Variants in SLC44A5 observed in about 807,000 individuals in gnomAD.
SLC44A5 encodes solute carrier family 44 member 5.
In SLC44A5, 57 loss-of-function variants were observed where a neutral mutation model predicts 101.8. The observed-to-expected ratio is 0.56, with a 90% CI of 0.45 to 0.70. The LOEUF is 0.70. Ranked by LOEUF, SLC44A5 falls within the 30% of genes least tolerant of loss-of-function variation. The probability of loss-of-function intolerance (pLI) is 0.00; values close to 1 mark genes in which losing one functional copy is unlikely to be tolerated. For missense variants in SLC44A5, 737 were observed against 853.1 expected (o/e 0.86, Z 1.70); for synonymous variants, 281 against 290.9 (o/e 0.97, Z 0.35).
chr1:75,436,780 C>T (rs1664913238), intron 2 of SLC44A5, among the ~76,000 whole-genome samples: 1 of 152,122 alleles, frequency 6.6e-6, no homozygotes. Context: ...AACAAAAGCA[C>T]AATATACAGT....
At chr1:75,295,119 A>C (rs1187683403) in intron 5 of SLC44A5, among the ~76,000 whole-genome samples, 1 of 152,218 alleles carries the variant, frequency 6.6e-6, no homozygotes, top group Admixed American at 6.5e-5. Context: ...CAAGATATAC[A>C]TATACTAAAA....
chr1:75,528,665 C>T (rs891303680), intron 2 of SLC44A5, among the ~76,000 whole-genome samples: 1 of 152,228 alleles, frequency 6.6e-6, no homozygotes, highest in African/African-American at 2.4e-5. Context: ...AATCATTTCT[C>T]TGCTGGAAAA....
In SLC44A5 at chr1:75,227,755, A is replaced by G. The variant is rs910424869; in HGVS notation, c.956T>C (p.Phe319Ser). The G allele has an allele frequency of 6.4e-7, 1 of 1,567,054 alleles. No homozygotes were observed. Among genetic ancestry groups the G allele is most frequent in the Non-Finnish European group, 8.6e-7 (1 of 1,166,964 alleles). ...TGTGAACCATGTTTGTTGCAGTTCA[A>G]AGTACATGCTTATGTTAGTCTGAAT... The part of the protein sequence containing the change: ...IGIQTNISMY[F>S]ELQQTWFTFM... The change falls in exon 13 of 24, where the codon TTT becomes TCT. Residue 319 changes from phenylalanine to serine, a missense_variant. Phe to Ser is a radical substitution (Grantham distance 155). Transcript: ENST00000370859.
At chr1:75,607,538 T>G (rs1283280641) in intron 1 of SLC44A5, among the ~76,000 whole-genome samples, 1 of 152,010 alleles carries the variant, frequency 6.6e-6, no homozygotes, top group Non-Finnish European at 1.5e-5. Context: ...ACAACCAAAT[T>G]TAATAACACA....
At chr1:75,552,920 G>T (rs1008392744) in intron 1 of SLC44A5, among the ~76,000 whole-genome samples, 3 of 151,844 alleles carry the variant, frequency 2.0e-5, no homozygotes, top group African/African-American at 7.3e-5. Flanking sequence ...GTTAATAAAC[G>T]GTTTAAAGAA....
chr1:75,311,675 A>G, intron 4 of SLC44A5: 1 of 447,570 alleles, frequency 2.2e-6, no homozygotes, highest in South Asian at 9.5e-5. Context: ...CACAGATGAG[A>G]TGCTTTCTCT....
At chr1:75,266,830 G>A (rs1236780216) in intron 6 of SLC44A5, among the ~76,000 whole-genome samples, 4 of 152,150 alleles carry the variant, frequency 2.6e-5, no homozygotes, top group Admixed American at 1.3e-4. Flanking sequence ...GGCCCAGCCC[G>A]GGAAGATAAA....
At chr1:75,388,557 G>C (rs1570103025) in intron 3 of SLC44A5, among the ~76,000 whole-genome samples, 1 of 152,068 alleles carries the variant, frequency 6.6e-6, no homozygotes, top group Non-Finnish European at 1.5e-5. Flanking sequence ...GAGGCGGGTG[G>C]ATCACGAGGT....
At chr1:75,304,293 GGTGTGTGT>G (rs71081327) in intron 4 of SLC44A5, among the ~76,000 whole-genome samples, 14 of 65,418 alleles carry the variant, frequency 2.1e-4, no homozygotes, top group Non-Finnish European at 3.1e-4. Context: ...TTTTTAAATA[GGTGTGTGT>G]GTGTGTGTGT....
intron 5 of SLC44A5, among the ~76,000 whole-genome samples, chr1:75,288,955 A>G (rs568777332): frequency 6.6e-6 from 1 of 152,328 alleles, no homozygotes; most frequent in African/African-American, 2.4e-5. Flanking sequence ...TCATAGCATC[A>G]TGCTGATAAG....
intron 5 of SLC44A5, among the ~76,000 whole-genome samples, chr1:75,294,399 G>A (rs1653801289): frequency 1.3e-5 from 2 of 152,266 alleles, no homozygotes; most frequent in South Asian, 4.1e-4. Flanking sequence ...AATTAGTATA[G>A]CCATTACGAA....
chr1:75,493,484 C>G (rs1339618066), intron 2 of SLC44A5, among the ~76,000 whole-genome samples: 3 of 151,982 alleles, frequency 2.0e-5, no homozygotes, highest in Admixed American at 6.6e-5. Flanking sequence ...GATAAATCAG[C>G]AACAAGCAGC....
the SLC44A5 span, among the ~76,000 whole-genome samples, chr1:75,654,373 G>A: frequency 6.6e-6 from 1 of 152,134 alleles, no homozygotes; most frequent in Non-Finnish European, 1.5e-5. Context: ...ATTCTAAATT[G>A]TCAGATGCTG....
intron 2 of SLC44A5, among the ~76,000 whole-genome samples, chr1:75,516,848 A>G (rs1275030295): frequency 3.9e-5 from 6 of 152,210 alleles, no homozygotes; most frequent in Non-Finnish European, 8.8e-5. Flanking sequence ...TTTAAAATCT[A>G]TCATTTAAAA....
intron 3 of SLC44A5, among the ~76,000 whole-genome samples, chr1:75,366,593 A>C (rs868289861): frequency 2.0e-5 from 3 of 152,266 alleles, no homozygotes; most frequent in Middle Eastern, 3.4e-3. Context: ...GTTTTCAGCC[A>C]TTATTTATTT....
At chr1:75,441,881 A>C (rs1216908881) in intron 2 of SLC44A5, among the ~76,000 whole-genome samples, 1 of 152,138 alleles carries the variant, frequency 6.6e-6, no homozygotes, top group Non-Finnish European at 1.5e-5. Context: ...AGGACACAAA[A>C]CCACAAGTAA....
At chr1:75,514,994 A>G (rs1669752162) in intron 2 of SLC44A5, among the ~76,000 whole-genome samples, 1 of 152,228 alleles carries the variant, frequency 6.6e-6, no homozygotes. Flanking sequence ...TCATAGTTAG[A>G]CTGTATGCAC....
chr1:75,488,335 G>C (rs1429508571), intron 2 of SLC44A5, among the ~76,000 whole-genome samples: 2 of 152,128 alleles, frequency 1.3e-5, no homozygotes, highest in East Asian at 1.9e-4. Context: ...TTGCTTCTAG[G>C]TAAACCAGTA....
intron 5 of SLC44A5, among the ~76,000 whole-genome samples, chr1:75,277,636 T>G (rs1321093729): frequency 6.6e-6 from 1 of 151,318 alleles, no homozygotes; most frequent in Non-Finnish European, 1.5e-5. Context: ...GACAGGCAAT[T>G]TTGGAGCTTT....
Sources: gnomAD v4.1 joint callset for allele counts (sites outside exome capture counted in the v4.1 genomes callset) on GRCh38, gnomAD v4.1.1 for gene constraint, MANE v1.5 for transcripts, NCBI Gene and HGNC (gene_info 2026-07-23, HGNC 2026-07-21) for gene names.